RBFOX1: variants seen among roughly 807,000 people sequenced by gnomAD.
The protein encoded by RBFOX1 is RNA binding fox-1 homolog 1.
A neutral mutation model predicts 57.7 loss-of-function variants in RBFOX1; 8 were observed. That is an observed-to-expected ratio of 0.14 (90% CI 0.08 to 0.25). The LOEUF is 0.25. RBFOX1 is among the 10% of genes least tolerant of loss of function. The pLI is 1.00. For synonymous variants in RBFOX1, 326 were observed against 222.4 expected, an observed-to-expected ratio of 1.47 and a Z score of -4.15; for missense variants, 611 against 548.5, an observed-to-expected ratio of 1.11 and a Z score of -1.14.
chr16:7,348,701 G>C (rs1045435010), intron 4 of RBFOX1, among the ~76,000 whole-genome samples: 2 of 152,204 alleles, frequency 1.3e-5, no homozygotes, highest in Non-Finnish European at 2.9e-5. Context: ...CAGCACTTTG[G>C]GAGGCTGAGG....
intron 2 of RBFOX1, among the ~76,000 whole-genome samples, chr16:5,500,461 A>T (rs565476499): frequency 6.6e-6 from 1 of 151,994 alleles, no homozygotes; most frequent in African/African-American, 2.4e-5. Context: ...GACTCACGCA[A>T]TCGTCCCGCC....
chr16:5,919,978 G>A (rs895236148), intron 4 of RBFOX1, among the ~76,000 whole-genome samples: 5 of 151,884 alleles, frequency 3.3e-5, no homozygotes, highest in Non-Finnish European at 7.4e-5. Context: ...TCGCACTGTC[G>A]CCCAGGCTGG....
At chr16:5,373,551 C>T (rs542442111) in intron 1 of RBFOX1, among the ~76,000 whole-genome samples, 1 of 152,068 alleles carries the variant, frequency 6.6e-6, no homozygotes, top group South Asian at 2.1e-4. Flanking sequence ...CTGAGGCCTC[C>T]TCAGCCGTAC....
chr16:6,496,374 C>T (rs755508418), intron 2 of RBFOX1, among the ~76,000 whole-genome samples: 6 of 152,192 alleles, frequency 3.9e-5, no homozygotes, highest in Non-Finnish European at 7.3e-5. Flanking sequence ...GATTGGGAAC[C>T]TGCTTTGCGG....
chr16:6,315,882 A>T (rs1007693011), intron 1 of RBFOX1, among the ~76,000 whole-genome samples: 1 of 152,188 alleles, frequency 6.6e-6, no homozygotes, highest in Non-Finnish European at 1.5e-5. Context: ...ACACACATAT[A>T]TATATCCACA....
chr16:7,474,268 C>T (rs1309999933), intron 4 of RBFOX1, among the ~76,000 whole-genome samples: 1 of 152,158 alleles, frequency 6.6e-6, no homozygotes, highest in Non-Finnish European at 1.5e-5. Context: ...GCCTGGGTGA[C>T]AGGGCGAGAC....
intron 3 of RBFOX1, among the ~76,000 whole-genome samples, chr16:6,799,086 G>C (rs142641178): frequency 3.7e-4 from 57 of 152,192 alleles, no homozygotes; most frequent in African/African-American, 1.3e-3. Context: ...GATGTGTGAA[G>C]ATGGGGTACG....
chr16:7,471,351 G>A lies in RBFOX1; in HGVS notation c.28-46796G>A, dbSNP rs76349641. Among the ~76,000 whole-genome samples the A allele has an allele frequency of 6.7e-4, 102 of 152,208 alleles. No homozygotes were observed. In the East Asian group the frequency reaches 0.015, roughly 22 times the overall value. The stretch of plus-strand genomic sequence containing the variant: ...AAGGTAAATTATTTGAAGGAAAACT[G>A]CTGGGCTAATTTTTTTTAATGTACA... On this transcript the variant is annotated intron_variant, in intron 4 of 15. Transcript: ENST00000550418.
chr16:7,479,667 T>C (rs1251951325), intron 4 of RBFOX1, among the ~76,000 whole-genome samples: 2 of 152,262 alleles, frequency 1.3e-5, no homozygotes, highest in South Asian at 2.1e-4. Context: ...ACTTCAAGTC[T>C]AGCCCCTCTT....
chr16:6,564,427 T>G (rs2097227386), intron 2 of RBFOX1, among the ~76,000 whole-genome samples: 1 of 151,920 alleles, frequency 6.6e-6, no homozygotes, highest in Non-Finnish European at 1.5e-5. Flanking sequence ...GCCACTACAC[T>G]CCAGCCTGGG....
intron 7 of RBFOX1, among the ~76,000 whole-genome samples, chr16:7,589,912 G>GTGTGTGTGT (rs2094347069): frequency 7.4e-5 from 10 of 134,946 alleles, no homozygotes; most frequent in East Asian, 2.2e-4. Flanking sequence ...GTGTGTGCTG[G>GTGTGTGTGT]GTGTGTGTGT....
At chr16:5,503,251 G>A (rs1470439870) in intron 2 of RBFOX1, among the ~76,000 whole-genome samples, 2 of 152,148 alleles carry the variant, frequency 1.3e-5, no homozygotes, top group African/African-American at 2.4e-5. Context: ...GTTCTTATAG[G>A]AAGATCCAAG....
chr16:5,329,831 C>G, intron 1 of RBFOX1, among the ~76,000 whole-genome samples: 1 of 152,108 alleles, frequency 6.6e-6, no homozygotes, highest in East Asian at 1.9e-4. Flanking sequence ...AACCCCGTCT[C>G]TACTAAAAAA....
chr16:7,197,621 A>G (rs1051352600), intron 4 of RBFOX1, among the ~76,000 whole-genome samples: 2 of 152,214 alleles, frequency 1.3e-5, no homozygotes, highest in African/African-American at 2.4e-5. Flanking sequence ...AAAAATGTGT[A>G]CAGAAATGTT....
At chr16:7,319,707 A>G (rs2096510130) in intron 4 of RBFOX1, among the ~76,000 whole-genome samples, 1 of 152,140 alleles carries the variant, frequency 6.6e-6, no homozygotes, top group Non-Finnish European at 1.5e-5. Context: ...TTACTTAGCA[A>G]TTACATCAAC....
At chr16:6,894,238 GCATTGGT>G (rs986446597) in intron 3 of RBFOX1, among the ~76,000 whole-genome samples, 24 of 152,108 alleles carry the variant, frequency 1.6e-4, no homozygotes, top group African/African-American at 5.1e-4. Context: ...GTCACAGATG[GCATTGGT>G]CATTGGTCAT....
At chr16:5,666,442 A>G (rs2049847241) in intron 3 of RBFOX1, among the ~76,000 whole-genome samples, 1 of 152,224 alleles carries the variant, frequency 6.6e-6, no homozygotes, top group South Asian at 2.1e-4. Flanking sequence ...CATTGAATTC[A>G]CTTTGTTCCC....
chr16:6,486,024 T>TG (rs1461724776), intron 2 of RBFOX1, among the ~76,000 whole-genome samples: 1 of 151,556 alleles, frequency 6.6e-6, no homozygotes, highest in African/African-American at 2.4e-5. Context: ...TTTCTTTTTT[T>TG]TTTTCCTCTC....
chr16:7,186,586 TTAAACATATTTATATAAATATAAGCA>T (rs1567619543), intron 4 of RBFOX1, among the ~76,000 whole-genome samples: 18 of 52,762 alleles, frequency 3.4e-4, no homozygotes, highest in East Asian at 1.8e-3. Context: ...AAATATAAGC[TTAAACATATTTATATAAATATAAGCA>T]TAAACATATT....
Sources: gnomAD v4.1 joint callset for allele counts (sites outside exome capture counted in the v4.1 genomes callset) on GRCh38, gnomAD v4.1.1 for gene constraint, MANE v1.5 for transcripts, NCBI Gene and HGNC (gene_info 2026-07-23, HGNC 2026-07-21) for gene names.